MAVS: variants seen among roughly 807,000 people sequenced by gnomAD.
The protein encoded by MAVS is mitochondrial antiviral-signaling protein.
Under a neutral mutation model 30.2 loss-of-function variants are expected in MAVS, and 20 were observed. That is an observed-to-expected ratio of 0.66 (90% CI 0.47 to 0.96). MAVS has a LOEUF of 0.96. Among genes scored for constraint, MAVS ranks in the 40% least tolerant of loss-of-function variants. The probability of loss-of-function intolerance (pLI) is 0.00; values close to 1 mark genes in which losing one functional copy is unlikely to be tolerated. For missense variants in MAVS, 624 were observed against 701.1 expected (o/e 0.89, Z 1.24); for synonymous variants, 278 against 293.9 (o/e 0.95, Z 0.55).
At position 3,865,977 on chromosome 20, in the gene MAVS, CCA is replaced by C. The variant is rs1307017392; in HGVS notation, c.1455_1456del (p.Pro486CysfsTer95). The C allele has an allele frequency of 2.2e-5, 35 of 1,613,264 alleles. No homozygotes were observed. The highest frequency in any genetic ancestry group is 2.6e-5 in the Non-Finnish European group (31 of 1,180,018). ...SIQLLEGNPG[P>X]PADPDGGPRP... Reference sequence around the variant, plus strand: ...CCAGCTCCTGGAGGGCAACCCTGGGCCACCTGCGGACCCGGATGGCGGCCCCA... The same window carrying C: ...CCAGCTCCTGGAGGGCAACCCTGGGCCCTGCGGACCCGGATGGCGGCCCCA... On this transcript the variant is annotated frameshift_variant, in exon 7 of 7. Transcript: ENST00000428216. LOFTEE classifies it low-confidence loss of function (END_TRUNC). The surrounding 1 kb of genome is among the most constrained non-coding windows in gnomAD (Gnocchi z 4.7).
At chr20:3,862,194 C>A in intron 4 of MAVS, 60 bp from the exon 5 acceptor site, 1 of 1,570,530 alleles carries the variant, frequency 6.4e-7, no homozygotes, top group Non-Finnish European at 8.7e-7. Flanking sequence ...AGAGCACAAG[C>A]TGCCCTTTGT....
In MAVS at chr20:3,866,051, C is replaced by T. The variant is rs368595545; in HGVS notation, c.1527C>T (p.His509=). Residue 509 remains histidine (H), a synonymous_variant, in exon 7 of 7, where the codon CAC becomes CAT. Coordinates refer to ENST00000428216, the MANE Select transcript of MAVS (RefSeq NM_020746.5). ...RKFQEREVPC[H]RPSPGALWLQ... Reference sequence around the variant, plus strand: ...TCCAGGAGAGGGAGGTGCCATGCCACAGGCCCTCACCTGGGGCTCTGTGGC... The same window carrying T: ...TCCAGGAGAGGGAGGTGCCATGCCATAGGCCCTCACCTGGGGCTCTGTGGC... 7 of 1,612,466 alleles carry T rather than the reference C, an allele frequency of 4.3e-6. No individual in the cohort carries two copies. The highest frequency in any genetic ancestry group is 1.3e-5 in the African/African-American group (1 of 74,938).
Position 3,865,049 on chromosome 20 carries a change from G to T in MAVS, c.1158+261G>T, listed in dbSNP as rs1457364495. On this transcript the variant is annotated intron_variant, in intron 6 of 6. Transcript: ENST00000428216. The surrounding 1 kb of genome is among the most constrained non-coding windows in gnomAD (Gnocchi z 4.7). The stretch of plus-strand genomic sequence containing the variant: ...AGCCACAGGGGGCACCCACTGGTCA[G>T]GTGTATAAGTTCATTTAGGGCTCGT... 6.6e-6 allele frequency among the ~76,000 whole-genome samples: 1 copy of T among 152,250 alleles called. No homozygotes were observed. The highest frequency in any genetic ancestry group is 1.5e-5 in the Non-Finnish European group (1 of 68,044).
chr20:3,872,787 A>G lies in MAVS; in HGVS notation c.*6640A>G, dbSNP rs2146787459. On this transcript the variant is annotated 3_prime_UTR_variant, in exon 7 of 7. Coordinates refer to ENST00000428216, the MANE Select transcript of MAVS (RefSeq NM_020746.5). ...ACGTTCATGATTGTGGTACAGACAA[A>G]TAGGCTTTCACATCATTCTTTTATG... is the stretch of plus-strand genomic sequence containing the variant. 6.6e-6 allele frequency: 1 copy of G among 152,480 alleles called. No homozygotes were observed. The highest frequency in any genetic ancestry group is 1.9e-4 in the East Asian group (1 of 5,326). 9.4% of individuals were successfully genotyped at this position (152,480 alleles called of 1,614,324 possible).
chr20:3,857,595 C>T (rs755222676), intron 2 of MAVS, 40 bp from the exon 3 acceptor site: 3 of 1,565,424 alleles, frequency 1.9e-6, no homozygotes, highest in East Asian at 2.3e-5. Context: ...GTGGCAGGGG[C>T]CACCTGGCTT....
chr20:3,862,745 C>T (rs759936808), intron 5 of MAVS, among the ~76,000 whole-genome samples: 10 of 152,116 alleles, frequency 6.6e-5, no homozygotes, highest in Non-Finnish European at 1.2e-4. Context: ...CCGGTATATA[C>T]ATAAGTTCTG....
intron 1 of MAVS, among the ~76,000 whole-genome samples, chr20:3,850,481 T>C (rs2089750117): frequency 6.7e-6 from 1 of 150,314 alleles, no homozygotes; most frequent in South Asian, 2.1e-4. Flanking sequence ...TCCCAGCTAC[T>C]TGGGAGGCTG....
intron 1 of MAVS, among the ~76,000 whole-genome samples, chr20:3,849,419 G>A (rs1794440307): frequency 6.6e-6 from 1 of 152,200 alleles, no homozygotes; most frequent in South Asian, 2.1e-4. Context: ...TGGCGAGGCT[G>A]GTCTCAACCT....
chr20:3,854,634 G>C lies in MAVS; in HGVS notation c.10G>C (p.Ala4Pro). MPF[A>P]EDKTYKYICR... ...CAGAATCTGAGCAGCAATGCCGTTT[G>C]CTGAAGACAAGACCTATAAGTATAT... The change falls in exon 2 of 7, where the codon GCT (alanine) becomes CCT (proline). Residue 4 changes from alanine to proline, a missense_variant. Ala to Pro is a conservative substitution (Grantham distance 27, BLOSUM62 -1). Coordinates refer to ENST00000428216, the MANE Select transcript of MAVS (RefSeq NM_020746.5). 1 of 1,613,152 alleles carries C rather than the reference G, an allele frequency of 6.2e-7. No homozygotes were observed. Among genetic ancestry groups the C allele is most frequent in the East Asian group, 2.2e-5 (1 of 44,844 alleles).
chr20:3,860,220 G>A (rs1182150362), intron 3 of MAVS, among the ~76,000 whole-genome samples: 6 of 149,164 alleles, frequency 4.0e-5, no homozygotes, highest in African/African-American at 1.5e-4. Context: ...TTAATCATGA[G>A]GAGAACCCCC....
At chr20:3,853,242 T>C (rs111545682) in intron 1 of MAVS, among the ~76,000 whole-genome samples, 2 of 148,782 alleles carry the variant, frequency 1.3e-5, no homozygotes, top group East Asian at 4.1e-4. Flanking sequence ...ATCCCAGCAC[T>C]TTGGGAGGCC....
At chr20:3,859,845 T>C (rs572462391) in intron 3 of MAVS, among the ~76,000 whole-genome samples, 104 of 151,858 alleles carry the variant, frequency 6.8e-4, no homozygotes, top group Admixed American at 3.1e-3. Context: ...GAAATGGAGT[T>C]TCGCTCTGTC....
chr20:3,855,462 T>G (rs1375882571), intron 2 of MAVS, among the ~76,000 whole-genome samples: 2 of 152,140 alleles, frequency 1.3e-5, no homozygotes, highest in Non-Finnish European at 2.9e-5. Flanking sequence ...GCTGGCAGGA[T>G]CAGGGTCGCT....
At position 3,854,745 on chromosome 20, in the gene MAVS, A is replaced by G; in HGVS notation, c.117+4A>G. On this transcript the variant is annotated splice_donor_region_variant and intron_variant, in intron 2 of 6. Coordinates refer to ENST00000428216, the MANE Select transcript of MAVS (RefSeq NM_020746.5). ...CTGCCTCACAGCAAGAGACCAGGTG[A>G]GCAAGGGAAGTGACAGCCCGACACT... is the stretch of plus-strand genomic sequence containing the variant. The G allele has an allele frequency of 6.2e-7, 1 of 1,605,418 alleles. No individual in the cohort carries two copies. The highest frequency in any genetic ancestry group is 8.5e-7 in the Non-Finnish European group (1 of 1,172,330).
intron 2 of MAVS, among the ~76,000 whole-genome samples, chr20:3,857,198 C>T (rs1183884671): frequency 2.0e-5 from 3 of 152,090 alleles, no homozygotes; most frequent in African/African-American, 7.2e-5. Context: ...TCCTTCTCTC[C>T]TAATCCAAAC....
chr20:3,868,869 G>C lies in MAVS; in HGVS notation c.*2722G>C, dbSNP rs1427875311. The C allele has an allele frequency of 6.6e-6, 1 of 152,242 alleles. No homozygotes were observed. The highest frequency in any genetic ancestry group is 1.5e-5 in the Non-Finnish European group (1 of 68,068). The allele number at this position is 152,242 out of a possible 1,614,324, so 9.4% of individuals were successfully genotyped here. A position where few individuals can be genotyped will look rare whatever the true frequency, so the allele number is the denominator to read the frequency against. On this transcript the variant is annotated 3_prime_UTR_variant, in exon 7 of 7. Transcript: ENST00000428216. Reference sequence around the variant, plus strand: ...ACTGCACTCCAGCCTGGGTGACCGAGTGATACTCTGTCTCAAAGAAAAAAA... The same window carrying C: ...ACTGCACTCCAGCCTGGGTGACCGACTGATACTCTGTCTCAAAGAAAAAAA...
At position 3,872,878 on chromosome 20, in the gene MAVS, A is replaced by G. The variant is rs1446850160; in HGVS notation, c.*6731A>G. 6.6e-6 allele frequency: 1 copy of G among 152,308 alleles called. No individual in the cohort carries two copies. Among genetic ancestry groups the G allele is most frequent in the Non-Finnish European group, 1.5e-5 (1 of 68,060 alleles). 9.4% of individuals were successfully genotyped at this position (152,308 alleles called of 1,614,324 possible). A position where few individuals can be genotyped will look rare whatever the true frequency, so the allele number is the denominator to read the frequency against. ...CTGTGATAGGCCTCAGTGACACAGA[A>G]TAATACGGCAAAGACCCCACCCGAT... On this transcript the variant is annotated 3_prime_UTR_variant, in exon 7 of 7. Coordinates refer to ENST00000428216, the MANE Select transcript of MAVS (RefSeq NM_020746.5).
chr20:3,861,154 G>A (rs1369224464), intron 3 of MAVS, among the ~76,000 whole-genome samples, 178 bp from the exon 4 acceptor site: 5 of 151,838 alleles, frequency 3.3e-5, no homozygotes, highest in Admixed American at 6.6e-5. Flanking sequence ...CACCATGCCC[G>A]GCTAATAATA....
intron 1 of MAVS, among the ~76,000 whole-genome samples, chr20:3,851,124 C>T (rs1164209592): frequency 6.6e-5 from 10 of 151,900 alleles, no homozygotes; most frequent in Admixed American, 5.3e-4. Flanking sequence ...AGTTCAGGAC[C>T]GGCCTGGCCA....
Sources: gnomAD v4.1 joint callset for allele counts (sites outside exome capture counted in the v4.1 genomes callset) on GRCh38, gnomAD v4.1.1 for gene constraint, Gnocchi (gnomAD v3.1) non-coding constraint, MANE v1.5 for transcripts, NCBI Gene and HGNC (gene_info 2026-07-23, HGNC 2026-07-21) for gene names.